Variants in PDE1C observed in about 807,000 individuals in gnomAD.
PDE1C encodes the protein dual specificity calcium/calmodulin-dependent 3',5'-cyclic nucleotide phosphodiesterase 1C.
In PDE1C, 62 loss-of-function variants were observed where a neutral mutation model predicts 93.1. That is an observed-to-expected ratio of 0.67 (90% confidence interval 0.54 to 0.82). The LOEUF is 0.82. PDE1C is among the 40% of genes least tolerant of loss of function. The pLI is 0.00. For missense variants in PDE1C, 742 were observed against 884.6 expected, an observed-to-expected ratio of 0.84 and a Z score of 2.04; for synonymous variants, 325 against 310.1, an observed-to-expected ratio of 1.05 and a Z score of -0.50.
At chr7:32,007,051 T>A (rs751710700) in intron 2 of PDE1C, among the ~76,000 whole-genome samples, 48 of 152,246 alleles carry the variant, frequency 3.2e-4, no homozygotes, top group Non-Finnish European at 6.0e-4. Flanking sequence ...TTTATCTTAA[T>A]TTTTATGACA....
At chr7:32,201,245 C>T (rs140503025) in intron 2 of PDE1C, among the ~76,000 whole-genome samples, 18 of 152,340 alleles carry the variant, frequency 1.2e-4, no homozygotes, top group African/African-American at 2.9e-4. Flanking sequence ...AGGTTATCCT[C>T]GTCTGTCTCT....
intron 1 of PDE1C, among the ~76,000 whole-genome samples, chr7:32,293,903 G>A (rs1221554892): frequency 6.6e-6 from 1 of 152,148 alleles, no homozygotes; most frequent in Non-Finnish European, 1.5e-5. Context: ...CAGGCAGATG[G>A]AAGGCAGACA....
chr7:31,971,618 G>A lies in PDE1C; in HGVS notation c.128+79936C>T, dbSNP rs140049725. On this transcript the variant is annotated intron_variant, in intron 2 of 17. Coordinates refer to ENST00000396191, the MANE Select transcript of PDE1C (RefSeq NM_001191057.4). Reference sequence around the variant, plus strand: ...GTCATCCTGCCACCTGCCCTGCCCTGCTGTATGACCTGAGGCTTCCTCCTA... The same window carrying A: ...GTCATCCTGCCACCTGCCCTGCCCTACTGTATGACCTGAGGCTTCCTCCTA... Among the ~76,000 whole-genome samples the A allele has an allele frequency of 1.2e-4, 19 of 152,300 alleles. No individual in the cohort carries two copies. The East Asian group carries it at 3.3e-3, about 26-fold the overall frequency.
chr7:32,334,052 A>G (rs1360408929), intron 1 of PDE1C, among the ~76,000 whole-genome samples: 1 of 152,236 alleles, frequency 6.6e-6, no homozygotes, highest in African/African-American at 2.4e-5. Flanking sequence ...ACACACTGAA[A>G]GTAAAAATAA....
At chr7:31,795,241 T>C (rs1785142784) in intron 16 of PDE1C, among the ~76,000 whole-genome samples, 1 of 151,958 alleles carries the variant, frequency 6.6e-6, no homozygotes, top group Admixed American at 6.6e-5. Flanking sequence ...ACTTCAAAGG[T>C]TCCCTTTATT....
chr7:32,358,897 CTGTG>C (rs71559224), intron 1 of PDE1C, among the ~76,000 whole-genome samples: 1 of 145,300 alleles, frequency 6.9e-6, no homozygotes, highest in African/African-American at 2.5e-5. Context: ...GTGTGTGTGT[CTGTG>C]TGTGTGTGTG....
intron 2 of PDE1C, among the ~76,000 whole-genome samples, chr7:31,927,529 A>T (rs1803563278): frequency 6.6e-6 from 1 of 152,172 alleles, no homozygotes; most frequent in African/African-American, 2.4e-5. Flanking sequence ...GGGTCAACAG[A>T]CACCTCATAC....
intron 2 of PDE1C, among the ~76,000 whole-genome samples, chr7:32,002,081 G>C (rs981623281): frequency 6.6e-6 from 1 of 152,068 alleles, no homozygotes; most frequent in African/African-American, 2.4e-5. Context: ...AACCGCAATA[G>C]ATCTGACTTA....
chr7:31,840,602 C>G (rs79866704), intron 9 of PDE1C, among the ~76,000 whole-genome samples: 9,914 of 152,068 alleles, frequency 0.065, 549 homozygotes, highest in African/African-American at 0.15. Context: ...GGTTTATAAC[C>G]AATTTTGAGC....
At chr7:31,855,481 TC>T (rs1793894548) in intron 7 of PDE1C, among the ~76,000 whole-genome samples, 1 of 151,950 alleles carries the variant, frequency 6.6e-6, no homozygotes, top group South Asian at 2.1e-4. Flanking sequence ...TCTTTTATAA[TC>T]CAATGTAACA....
chr7:32,422,858 G>T, intron 1 of PDE1C, among the ~76,000 whole-genome samples: 1 of 152,102 alleles, frequency 6.6e-6, no homozygotes, highest in Non-Finnish European at 1.5e-5. Context: ...TTGCAAAAGG[G>T]CTAGGGAGGT....
intron 2 of PDE1C, among the ~76,000 whole-genome samples, chr7:32,206,210 T>G (rs1218851861): frequency 2.6e-5 from 4 of 152,016 alleles, no homozygotes; most frequent in African/African-American, 9.7e-5. Flanking sequence ...GAGGATATAT[T>G]CTGGGGGGAT....
chr7:32,415,217 G>A (rs139012890), intron 1 of PDE1C, among the ~76,000 whole-genome samples: 227 of 152,246 alleles, frequency 1.5e-3, no homozygotes, highest in African/African-American at 5.1e-3. Context: ...TGGAGAGGCC[G>A]AAGTGGGCAG....
chr7:32,334,739 G>A (rs1783583119), intron 1 of PDE1C, among the ~76,000 whole-genome samples: 2 of 152,102 alleles, frequency 1.3e-5, no homozygotes, highest in African/African-American at 2.4e-5. Context: ...AATAGTATGT[G>A]TACAGTGTAA....
intron 1 of PDE1C, among the ~76,000 whole-genome samples, chr7:32,271,961 T>C (rs1240994408): frequency 6.6e-6 from 1 of 152,188 alleles, no homozygotes; most frequent in East Asian, 1.9e-4. Context: ...TTTTCTGCCA[T>C]TGGGTTAGTT....
At chr7:32,327,643 G>T (rs1430847665) in intron 1 of PDE1C, among the ~76,000 whole-genome samples, 1 of 152,028 alleles carries the variant, frequency 6.6e-6, no homozygotes, top group African/African-American at 2.4e-5. Flanking sequence ...GGCGGCGCAT[G>T]CCTGTAGTCC....
the PDE1C span, among the ~76,000 whole-genome samples, chr7:31,694,380 T>TCAAACACACACACACACACACA: frequency 5.5e-5 from 6 of 109,184 alleles, no homozygotes; most frequent in African/African-American, 2.3e-4. Flanking sequence ...TCTCTCTCTC[T>TCAAACACACACACACACACACA]CTCTCAAACA....
intron 1 of PDE1C, among the ~76,000 whole-genome samples, chr7:32,250,115 C>T (rs915195015): frequency 6.6e-6 from 1 of 152,256 alleles, no homozygotes; most frequent in Non-Finnish European, 1.5e-5. Flanking sequence ...GGTCAGCTGG[C>T]CTGTCAGAAG....
the PDE1C span, among the ~76,000 whole-genome samples, chr7:31,716,531 T>C: frequency 1.3e-5 from 2 of 152,242 alleles, no homozygotes; most frequent in African/African-American, 4.8e-5. Context: ...ATTTTACTGA[T>C]AGCTCTTCAG....
Sources: allele counts gnomAD v4.1 joint callset (sites outside exome capture counted in the v4.1 genomes callset), GRCh38; gene constraint gnomAD v4.1.1; transcripts MANE v1.5; gene names NCBI Gene and HGNC (gene_info 2026-07-23, HGNC 2026-07-21).